The following FAM118A variants were observed in gnomAD, a reference collection of about 807,000 sequenced individuals.
The protein encoded by FAM118A is protein FAM118A.
Under a neutral mutation model 38.2 loss-of-function variants are expected in FAM118A, and 25 were observed. That is an observed-to-expected ratio of 0.65 (90% CI 0.48 to 0.91). FAM118A has a LOEUF of 0.91. Ranked by LOEUF, FAM118A falls within the 40% of genes least tolerant of loss-of-function variation. FAM118A has a pLI of 0.00. For synonymous variants in FAM118A, 178 were observed against 184.1 expected (o/e 0.97, Z 0.27); for missense variants, 425 against 463.3 (o/e 0.92, Z 0.76).
At chr22:45,323,858 T>C (rs1277064537) in intron 3 of FAM118A, among the ~76,000 whole-genome samples, 1 of 152,270 alleles carries the variant, frequency 6.6e-6, no homozygotes, top group Admixed American at 6.5e-5. Flanking sequence ...GCTGCAGAGA[T>C]GATCTAGATG....
chr22:45,315,986 T>A (rs897304860), intron 1 of FAM118A, among the ~76,000 whole-genome samples: 5 of 152,188 alleles, frequency 3.3e-5, no homozygotes, highest in Non-Finnish European at 7.3e-5. Context: ...TCGCAGATGG[T>A]TCATTTGTGG....
At chr22:45,311,606 C>T (rs905634448) in intron 1 of FAM118A, among the ~76,000 whole-genome samples, 1 of 152,022 alleles carries the variant, frequency 6.6e-6, no homozygotes, top group African/African-American at 2.4e-5. Context: ...CCAGTTTAAG[C>T]TGAGTGGAGG....
intron 3 of FAM118A, 139 bp from the exon 4 acceptor site, chr22:45,327,703 G>A (rs6007590): frequency 0.87 from 682,493 of 781,006 alleles, 298,980 homozygotes; most frequent in African/African-American, 0.91. Context: ...CCTGCTCTGG[G>A]GTTGCGGCGC....
At chr22:45,316,499 G>A (rs536768990) in intron 1 of FAM118A, among the ~76,000 whole-genome samples, 2 of 152,334 alleles carry the variant, frequency 1.3e-5, no homozygotes, top group African/African-American at 4.8e-5. Context: ...ATAGCATGCA[G>A]TCATCTGTCT....
chr22:45,320,523 ACCT>A (rs1248092958), intron 1 of FAM118A, among the ~76,000 whole-genome samples: 1 of 151,702 alleles, frequency 6.6e-6, no homozygotes, highest in African/African-American at 2.4e-5. Context: ...TGCAGCCTCA[ACCT>A]CCTGGGCTCA....
intron 3 of FAM118A, 48 bp from the exon 4 acceptor site, chr22:45,327,794 G>T (rs1314734333): frequency 1.3e-6 from 2 of 1,592,232 alleles, no homozygotes; most frequent in Admixed American, 1.7e-5. Flanking sequence ...GTGCTCAGTA[G>T]TTGTTAAGAG....
chr22:45,320,794 C>T (rs1403713848), intron 1 of FAM118A, among the ~76,000 whole-genome samples: 2 of 152,180 alleles, frequency 1.3e-5, no homozygotes, highest in African/African-American at 2.4e-5. Flanking sequence ...CTGACGTGTT[C>T]TGCTGACCAC....
intron 1 of FAM118A, among the ~76,000 whole-genome samples, chr22:45,320,059 A>G (rs370504016): frequency 2.6e-5 from 4 of 152,340 alleles, no homozygotes; most frequent in South Asian, 2.1e-4. Flanking sequence ...CTGCGATCTA[A>G]TGATGCTTAT....
chr22:45,340,164 G>A (rs911645761), intron 8 of FAM118A, among the ~76,000 whole-genome samples: 23 of 152,154 alleles, frequency 1.5e-4, no homozygotes, highest in African/African-American at 3.6e-4. Flanking sequence ...CCCACAGATC[G>A]TTGCAAATGT....
In FAM118A at chr22:45,323,085, C is replaced by G. The variant is rs551070764; in HGVS notation, c.48-90C>G. ...TGTGTGTGTGTGTGTGTACACAGCACAAGGCCGGAACTCGCAGACAGTTCC... is the reference window on the plus strand; with the variant it reads ...TGTGTGTGTGTGTGTGTACACAGCAGAAGGCCGGAACTCGCAGACAGTTCC... On this transcript the variant is annotated intron_variant, in intron 2 of 8. Transcript: ENST00000441876. 33 of 1,300,376 alleles carry G rather than the reference C, an allele frequency of 2.5e-5. No individual in the cohort carries two copies. In the African/African-American group the frequency reaches 4.7e-4, roughly 18 times the overall value. The allele number at this position is 1,300,376 out of a possible 1,614,324, so 80.6% of individuals were successfully genotyped here.
chr22:45,336,041 C>T (rs2086069586), intron 7 of FAM118A, among the ~76,000 whole-genome samples: 2 of 152,332 alleles, frequency 1.3e-5, no homozygotes, highest in Middle Eastern at 3.4e-3. Flanking sequence ...GAGCTGCTCG[C>T]CTCACATCCA....
At chr22:45,339,661 C>T (rs530081329) in intron 8 of FAM118A, among the ~76,000 whole-genome samples, 1 of 152,258 alleles carries the variant, frequency 6.6e-6, no homozygotes, top group East Asian at 1.9e-4. Flanking sequence ...TTGTTTTCTG[C>T]ATATCTGGGC....
rs2086465439 is a variant in FAM118A at position 45,341,796 on chromosome 22, A to G, written c.*1391A>G. The stretch of plus-strand genomic sequence containing the variant: ...CTTGCCAAGCCCTGTGACACTCCCC[A>G]TTGATGACTCCCATAGGTACAGATA... On this transcript the variant is annotated 3_prime_UTR_variant, in exon 9 of 9. Coordinates refer to ENST00000441876, the MANE Select transcript of FAM118A (RefSeq NM_017911.4). The G allele has an allele frequency of 6.6e-6, 1 of 152,230 alleles. No individual in the cohort carries two copies. Among genetic ancestry groups the G allele is most frequent in the Admixed American group, 6.5e-5 (1 of 15,282 alleles). 9.4% of individuals were successfully genotyped at this position (152,230 alleles called of 1,614,324 possible). A position where few individuals can be genotyped will look rare whatever the true frequency, so the allele number is the denominator to read the frequency against.
chr22:45,323,205 GC>G lies in FAM118A; in HGVS notation c.82del (p.Gln28ArgfsTer54). Reference protein sequence around the residue: ...KFLKSLIRKQPQELLLVIGTG... With the variant: ...KFLKSLIRKQXQELLLVIGTG... Reference sequence around the variant, plus strand: ...TTTTAAAAAGCCTCATCCGGAAACAGCCCCAGGAACTGCTCCTGGTTATCGG... The same window carrying G: ...TTTTAAAAAGCCTCATCCGGAAACAGCCCAGGAACTGCTCCTGGTTATCGG... On this transcript the variant is annotated frameshift_variant, in exon 3 of 9. Coordinates refer to ENST00000441876, the MANE Select transcript of FAM118A (RefSeq NM_017911.4). LOFTEE classifies it high-confidence loss of function. 6.2e-7 allele frequency: 1 copy of G among 1,613,298 alleles called. No individual in the cohort carries two copies. Among genetic ancestry groups the G allele is most frequent in the Non-Finnish European group, 8.5e-7 (1 of 1,179,244 alleles).
intron 8 of FAM118A, among the ~76,000 whole-genome samples, chr22:45,339,582 G>T (rs1195048483): frequency 6.6e-6 from 1 of 152,118 alleles, no homozygotes; most frequent in Non-Finnish European, 1.5e-5. Context: ...ACACAAAACT[G>T]GTGTTCTGTG....
intron 8 of FAM118A, 48 bp downstream of exon 8, chr22:45,336,459 T>C (rs2146716530): frequency 1.4e-6 from 2 of 1,466,674 alleles, no homozygotes; most frequent in Non-Finnish European, 1.9e-6. Flanking sequence ...GTCTCTCTTG[T>C]TGGCAGGCAT....
intron 7 of FAM118A, among the ~76,000 whole-genome samples, chr22:45,335,997 G>A (rs560298932): frequency 3.3e-5 from 5 of 152,312 alleles, no homozygotes; most frequent in East Asian, 1.9e-4. Context: ...TTGGCCCAGC[G>A]CGTTCACAGA....
At chr22:45,335,074 G>A in intron 6 of FAM118A, 1 of 465,916 alleles carries the variant, frequency 2.1e-6, no homozygotes, top group South Asian at 4.3e-5. Context: ...CACTCCTGAT[G>A]GGAGAGGAGG....
chr22:45,330,008 T>A (rs1248177742), intron 4 of FAM118A: 1 of 152,258 alleles, frequency 6.6e-6, no homozygotes, highest in Non-Finnish European at 1.5e-5. Context: ...AGCCATTTGA[T>A]AAATACTTTT....
Sources: gnomAD v4.1 joint callset for allele counts (sites outside exome capture counted in the v4.1 genomes callset) on GRCh38, gnomAD v4.1.1 for gene constraint, MANE v1.5 for transcripts, NCBI Gene and HGNC (gene_info 2026-07-23, HGNC 2026-07-21) for gene names.